Variants in DHX15 observed in about 807,000 individuals in gnomAD.
The protein encoded by DHX15 is DEAH-box helicase 15, also known as ATP-dependent RNA helicase DHX15.
DHX15 carries 11 observed loss-of-function variants against 94.4 expected under a neutral mutation model. The ratio of observed to expected loss-of-function variants is 0.12; its 90% CI spans 0.07 to 0.19. DHX15 has a LOEUF of 0.19. Among genes scored for constraint, DHX15 ranks in the 10% least tolerant of loss-of-function variants. The pLI is 1.00. For missense variants in DHX15, 304 were observed against 988.5 expected (o/e 0.31, Z 9.29); for synonymous variants, 338 against 329.9 (o/e 1.02, Z -0.27).
At chr4:24,568,782 G>A (rs374981491) in intron 3 of DHX15, among the ~76,000 whole-genome samples, 1 of 152,142 alleles carries the variant, frequency 6.6e-6, no homozygotes, top group East Asian at 1.9e-4. Context: ...TCAAGTCCTT[G>A]ACATTACCTG....
In DHX15 at chr4:24,556,372, T is replaced by C; in HGVS notation, c.740A>G (p.Asn247Ser). 1 of 1,613,704 alleles carries C rather than the reference T, an allele frequency of 6.2e-7. No homozygotes were observed. Among genetic ancestry groups the C allele is most frequent in the Non-Finnish European group, 8.5e-7 (1 of 1,179,696 alleles). The change falls in exon 4 of 14, where the codon AAT becomes AGT. Residue 247 changes from asparagine to serine, a missense_variant. By Grantham distance (46) the Asn-to-Ser change is conservative. This residue lies in a region of DHX15 where 29 missense variants were observed against 181.6 expected (regional missense o/e 0.16). Transcript: ENST00000336812. ...TDGMLLREAM[N>S]DPLLERYGVI... ...ACCATAACGCTCCAGGAGGGGATCA[T>C]TCATAGCTTCACGAAGTAACATCCC...
chr4:24,546,230 G>A (rs926362892), intron 6 of DHX15, among the ~76,000 whole-genome samples: 1 of 152,126 alleles, frequency 6.6e-6, no homozygotes, highest in African/African-American at 2.4e-5. Flanking sequence ...TCAGATCCTG[G>A]ATCATTAAGT....
intron 5 of DHX15, among the ~76,000 whole-genome samples, chr4:24,554,212 C>T (rs369673748): frequency 3.3e-5 from 5 of 151,192 alleles, no homozygotes; most frequent in Non-Finnish European, 5.9e-5. Context: ...CGCAAGACTC[C>T]GTCTCGAAAA....
chr4:24,554,623 A>T, intron 5 of DHX15, 102 bp downstream of exon 5: 1 of 889,628 alleles, frequency 1.1e-6, no homozygotes, highest in Non-Finnish European at 1.7e-6. Context: ...GTTGAAGAAC[A>T]TTGAAATAAA....
chr4:24,539,878 C>T (rs1363340002), intron 10 of DHX15: 1 of 326,712 alleles, frequency 3.1e-6, no homozygotes, highest in African/African-American at 2.1e-5. Flanking sequence ...TTTATTAGCA[C>T]TCAAGAGAGC....
Position 24,568,329 on chromosome 4 carries a change from T to G in DHX15, c.701+2325A>C, listed in dbSNP as rs75188664. 3.9e-3 allele frequency among the ~76,000 whole-genome samples: 590 copies of G among 152,352 alleles called. 3 individuals are homozygous for G. The highest frequency in any genetic ancestry group is 0.013 in the African/African-American group (549 of 41,594). On this transcript the variant is annotated intron_variant, in intron 3 of 13. Transcript: ENST00000336812. Reference sequence around the variant, plus strand: ...ATAGCAAAGTTACATTTGAAATTTTTAAATTTTAAGCTAACTTATTGTAAT... The same window carrying G: ...ATAGCAAAGTTACATTTGAAATTTTGAAATTTTAAGCTAACTTATTGTAAT...
intron 12 of DHX15, among the ~76,000 whole-genome samples, chr4:24,531,834 A>G (rs1721091040): frequency 6.6e-6 from 1 of 152,232 alleles, no homozygotes. Context: ...CCTATCATTC[A>G]CCAAACTCTA....
chr4:24,562,058 C>T (rs903024348), intron 3 of DHX15, among the ~76,000 whole-genome samples: 2 of 150,334 alleles, frequency 1.3e-5, no homozygotes, highest in Non-Finnish European at 3.0e-5. Flanking sequence ...ATCGCTTGAA[C>T]CCAGGAGGCA....
intron 3 of DHX15, among the ~76,000 whole-genome samples, chr4:24,566,893 T>A (rs569675971): frequency 6.6e-6 from 1 of 152,320 alleles, no homozygotes; most frequent in Admixed American, 6.5e-5. Context: ...TTCTTTCATA[T>A]AAACACCCAT....
Position 24,556,373 on chromosome 4 carries a change from T to G in DHX15, c.739A>C (p.Asn247His), listed in dbSNP as rs369771194. Residue 247 changes from asparagine (N) to histidine (H), a missense_variant, in exon 4 of 14, where the codon AAT becomes CAT. Physicochemically the swap from Asn to His is moderately conservative, Grantham distance 68. Coordinates refer to ENST00000336812, the MANE Select transcript of DHX15 (RefSeq NM_001358.3). Reference sequence around the variant, plus strand: ...CCATAACGCTCCAGGAGGGGATCATTCATAGCTTCACGAAGTAACATCCCA... The same window carrying G: ...CCATAACGCTCCAGGAGGGGATCATGCATAGCTTCACGAAGTAACATCCCA... ...TDGMLLREAM[N>H]DPLLERYGVI... is the part of the protein sequence containing the mutation. 6.2e-7 allele frequency: 1 copy of G among 1,613,568 alleles called. No individual in the cohort carries two copies. The highest frequency in any genetic ancestry group is 8.5e-7 in the Non-Finnish European group (1 of 1,179,680).
At chr4:24,556,915 G>GT (rs904399554) in intron 3 of DHX15, among the ~76,000 whole-genome samples, 2 of 152,144 alleles carry the variant, frequency 1.3e-5, no homozygotes, top group African/African-American at 4.8e-5. Flanking sequence ...GGCTGAAAGC[G>GT]TGAGTCCTCC....
intron 5 of DHX15, among the ~76,000 whole-genome samples, chr4:24,552,502 T>C (rs926519391): frequency 1.4e-4 from 21 of 152,238 alleles, no homozygotes; most frequent in African/African-American, 4.6e-4. Context: ...AATATGTTCT[T>C]AAAAACCAGT....
chr4:24,536,939 GGGTTTCTAATA>G, intron 11 of DHX15, 101 bp downstream of exon 11: 1 of 1,251,534 alleles, frequency 8.0e-7, no homozygotes, highest in Middle Eastern at 2.9e-4. Flanking sequence ...AAGTACCTCT[GGGTTTCTAATA>G]TAAGTTGTCA....
intron 2 of DHX15, among the ~76,000 whole-genome samples, chr4:24,574,937 G>A (rs573013240): frequency 6.6e-6 from 1 of 152,174 alleles, no homozygotes; most frequent in South Asian, 2.1e-4. Flanking sequence ...AAATTGGCAA[G>A]GCTAAGGCAG....
chr4:24,541,730 A>T, intron 8 of DHX15, 143 bp downstream of exon 8: 1 of 798,948 alleles, frequency 1.3e-6, no homozygotes, highest in African/African-American at 1.7e-5. Context: ...TAAGTTAATT[A>T]CACCATACAT....
chr4:24,582,203 C>A (rs187503894), intron 1 of DHX15, among the ~76,000 whole-genome samples: 6 of 152,296 alleles, frequency 3.9e-5, no homozygotes, highest in Admixed American at 3.9e-4. Flanking sequence ...AAATGGCACT[C>A]AAATGACATA....
At chr4:24,553,949 T>C (rs1304030620) in intron 5 of DHX15, among the ~76,000 whole-genome samples, 2 of 152,220 alleles carry the variant, frequency 1.3e-5, no homozygotes, top group Non-Finnish European at 1.5e-5. Context: ...CCGGGTGCGA[T>C]GGCTCACGCC....
chr4:24,548,750 C>T, intron 6 of DHX15, 105 bp downstream of exon 6: 1 of 1,089,034 alleles, frequency 9.2e-7, no homozygotes, highest in Non-Finnish European at 1.3e-6. Context: ...TTGTATAAAA[C>T]CTAGATCACA....
In DHX15 at chr4:24,527,711, G is replaced by C; in HGVS notation, c.*213C>G. 1 of 462,434 alleles carries C rather than the reference G, an allele frequency of 2.2e-6. No individual in the cohort carries two copies. The highest frequency in any genetic ancestry group is 3.9e-6 in the Non-Finnish European group (1 of 259,240). 28.6% of individuals were successfully genotyped at this position (462,434 alleles called of 1,614,324 possible). A position where few individuals can be genotyped will look rare whatever the true frequency, so the allele number is the denominator to read the frequency against. ...TTCAATAAACTGCAAAACATTGATCGACTTTTCCAGTATGAGCTACAGTGT... is the reference window on the plus strand; with the variant it reads ...TTCAATAAACTGCAAAACATTGATCCACTTTTCCAGTATGAGCTACAGTGT... On this transcript the variant is annotated 3_prime_UTR_variant, in exon 14 of 14. Transcript: ENST00000336812.
Sources: allele counts gnomAD v4.1 joint callset (sites outside exome capture counted in the v4.1 genomes callset), GRCh38; gene constraint gnomAD v4.1.1; regional missense constraint gnomAD v4.1.1; transcripts MANE v1.5; gene names NCBI Gene and HGNC (gene_info 2026-07-23, HGNC 2026-07-21).